Variants in BMERB1 observed in about 807,000 individuals in gnomAD.
The protein encoded by BMERB1 is bMERB domain-containing protein 1.
Under a neutral mutation model 23.6 loss-of-function variants are expected in BMERB1, and 12 were observed. The observed-to-expected ratio is 0.51, with a 90% confidence interval of 0.33 to 0.82. The LOEUF is 0.82. Among genes scored for constraint, BMERB1 ranks in the 40% least tolerant of loss-of-function variants. BMERB1 has a pLI of 0.03. For synonymous variants in BMERB1, 122 were observed against 96.6 expected (o/e 1.26, Z -1.54); for missense variants, 247 against 255.4 (o/e 0.97, Z 0.22).
At chr16:15,448,230 C>T (rs963698557) in intron 1 of BMERB1, among the ~76,000 whole-genome samples, 5 of 152,060 alleles carry the variant, frequency 3.3e-5, no homozygotes, top group Non-Finnish European at 7.4e-5. Context: ...CAATGGTGAC[C>T]AACTGGATGC....
At chr16:15,535,100 T>G (rs1289260691) in intron 2 of BMERB1, among the ~76,000 whole-genome samples, 1 of 152,150 alleles carries the variant, frequency 6.6e-6, no homozygotes, top group Non-Finnish European at 1.5e-5. Flanking sequence ...CTGTAATCCC[T>G]GCACTTTGAG....
chr16:15,440,309 G>T (rs1363940272), intron 1 of BMERB1, among the ~76,000 whole-genome samples: 2 of 149,086 alleles, frequency 1.3e-5, no homozygotes, highest in African/African-American at 4.9e-5. Context: ...TGCTCTATGA[G>T]TAGGAGATTG....
chr16:15,435,719 ATG>A (rs1402035009), intron 1 of BMERB1, among the ~76,000 whole-genome samples: 2 of 152,216 alleles, frequency 1.3e-5, no homozygotes, highest in African/African-American at 4.8e-5. Flanking sequence ...AGTATTGTGA[ATG>A]TGATCTTATT....
chr16:15,583,723 C>CAGTT (rs2031073681), intron 5 of BMERB1, among the ~76,000 whole-genome samples: 1 of 152,062 alleles, frequency 6.6e-6, no homozygotes, highest in Non-Finnish European at 1.5e-5. Context: ...GGCCTGCAGG[C>CAGTT]AGTTGCCTGG....
At chr16:15,539,361 A>T (rs985819427) in intron 2 of BMERB1, among the ~76,000 whole-genome samples, 2 of 152,006 alleles carry the variant, frequency 1.3e-5, no homozygotes, top group Non-Finnish European at 2.9e-5. Flanking sequence ...ATGCAGATGA[A>T]GCTTCACTCA....
At position 15,448,145 on chromosome 16, in the gene BMERB1, C is replaced by G. The variant is rs144118252; in HGVS notation, c.106+13386C>G. 2.8e-5 allele frequency: 9 copies of G among 316,504 alleles called. No individual in the cohort carries two copies. The East Asian group carries it at 8.7e-4, about 31-fold the overall frequency. 19.6% of individuals were successfully genotyped at this position (316,504 alleles called of 1,614,324 possible). On this transcript the variant is annotated intron_variant, in intron 1 of 5. Transcript: ENST00000300006. The stretch of plus-strand genomic sequence containing the variant: ...CCTCAGGTGATCTGCCTGCCTTGGC[C>G]TGCCAACGCGCTGGGATTACAGACA...
intron 1 of BMERB1, among the ~76,000 whole-genome samples, chr16:15,507,386 C>T (rs2051604074): frequency 6.6e-6 from 1 of 152,152 alleles, no homozygotes; most frequent in Non-Finnish European, 1.5e-5. Flanking sequence ...AGGAAGCATG[C>T]ATCTCCCTGG....
At chr16:15,562,660 C>T (rs2030455904) in intron 2 of BMERB1, among the ~76,000 whole-genome samples, 2 of 152,184 alleles carry the variant, frequency 1.3e-5, no homozygotes, top group African/African-American at 4.8e-5. Flanking sequence ...CCCTCCCCAA[C>T]ACACACTCAA....
At chr16:15,562,740 C>T (rs1016328242) in intron 2 of BMERB1, among the ~76,000 whole-genome samples, 1 of 152,204 alleles carries the variant, frequency 6.6e-6, no homozygotes, top group Non-Finnish European at 1.5e-5. Context: ...CTGATGTAGC[C>T]TGATCTCTGC....
chr16:15,526,812 CG>C (rs1212632112), intron 2 of BMERB1, among the ~76,000 whole-genome samples: 2 of 150,484 alleles, frequency 1.3e-5, no homozygotes, highest in African/African-American at 4.9e-5. Context: ...ATGGGGCACA[CG>C]GGGCCGTCTA....
chr16:15,492,381 A>G (rs1254276868), intron 1 of BMERB1, among the ~76,000 whole-genome samples: 2 of 152,180 alleles, frequency 1.3e-5, no homozygotes, highest in South Asian at 4.1e-4. Flanking sequence ...GATCCTCTTC[A>G]TCTTCCATTG....
At chr16:15,496,021 A>G (rs1258727328) in intron 1 of BMERB1, among the ~76,000 whole-genome samples, 3 of 150,950 alleles carry the variant, frequency 2.0e-5, no homozygotes, top group Non-Finnish European at 4.4e-5. Context: ...GATAGTGGTG[A>G]TGGTGATGAT....
chr16:15,581,757 C>T (rs995230657), intron 4 of BMERB1, among the ~76,000 whole-genome samples: 1 of 152,206 alleles, frequency 6.6e-6, no homozygotes, highest in African/African-American at 2.4e-5. Context: ...CTTAGTGGCG[C>T]CAATGCCCTT....
At chr16:15,570,108 TTTCAAATAGG>T (rs1321101077) in intron 3 of BMERB1, among the ~76,000 whole-genome samples, 33 of 152,118 alleles carry the variant, frequency 2.2e-4, no homozygotes, top group Admixed American at 1.8e-3. Context: ...GCAAAGGTGT[TTTCAAATAGG>T]CCAGATAAGC....
At chr16:15,542,275 G>A (rs992440119) in intron 2 of BMERB1, among the ~76,000 whole-genome samples, 6 of 151,364 alleles carry the variant, frequency 4.0e-5, no homozygotes, top group Non-Finnish European at 8.8e-5. Context: ...ATATTGGCCA[G>A]GCTGGTCTCG....
intron 3 of BMERB1, among the ~76,000 whole-genome samples, chr16:15,574,359 C>T (rs2030806658): frequency 6.6e-6 from 1 of 152,102 alleles, no homozygotes; most frequent in Non-Finnish European, 1.5e-5. Context: ...GACACAAAGC[C>T]TAACCGTATC....
chr16:15,493,427 A>C (rs2051441522), intron 1 of BMERB1, among the ~76,000 whole-genome samples: 1 of 152,194 alleles, frequency 6.6e-6, no homozygotes, highest in African/African-American at 2.4e-5. Flanking sequence ...GCGGAAAAAC[A>C]AGGAAATCTG....
chr16:15,573,109 C>G (rs561752932), intron 3 of BMERB1, among the ~76,000 whole-genome samples: 2 of 152,118 alleles, frequency 1.3e-5, no homozygotes, highest in Non-Finnish European at 2.9e-5. Context: ...GTCTGCTTTC[C>G]TGGCACAGTA....
chr16:15,515,351 G>A lies in BMERB1; in HGVS notation c.153G>A (p.Glu51=). 1 of 1,613,970 alleles carries A rather than the reference G, an allele frequency of 6.2e-7. No individual in the cohort carries two copies. The highest frequency in any genetic ancestry group is 8.5e-7 in the Non-Finnish European group (1 of 1,180,016). The part of the protein sequence containing the change: ...ISMAETTMMP[E]EIELEMAKIQ... ...TGGCGGAGACAACCATGATGCCAGA[G>A]GAGATTGAGCTGGAGATGGCAAAAA... Residue 51 remains glutamate (E), a synonymous_variant, in exon 2 of 6, where the codon GAG becomes GAA. Coordinates refer to ENST00000300006, the MANE Select transcript of BMERB1 (RefSeq NM_033201.3).
Sources: gnomAD v4.1 joint callset for allele counts (sites outside exome capture counted in the v4.1 genomes callset) on GRCh38, gnomAD v4.1.1 for gene constraint, MANE v1.5 for transcripts, NCBI Gene and HGNC (gene_info 2026-07-23, HGNC 2026-07-21) for gene names.